The following PLD1 variants were observed in gnomAD, a reference collection of about 807,000 sequenced individuals.
The protein encoded by PLD1 is phospholipase D1, also known as choline phosphatase 1.
A neutral mutation model predicts 137.1 loss-of-function variants in PLD1; 112 were observed. The ratio of observed to expected loss-of-function variants is 0.82; its 90% confidence interval spans 0.70 to 0.96. The LOEUF is 0.96. Among genes scored for constraint, PLD1 ranks in the 40% least tolerant of loss-of-function variants. PLD1 has a pLI of 0.00. For synonymous variants in PLD1, 431 were observed against 454.7 expected (o/e 0.95, Z 0.66); for missense variants, 1,321 against 1,342.0 (o/e 0.98, Z 0.24).
intron 21 of PLD1, among the ~76,000 whole-genome samples, chr3:171,651,943 C>T (rs1736803518): frequency 6.6e-6 from 1 of 152,074 alleles, no homozygotes; most frequent in Non-Finnish European, 1.5e-5. Context: ...CTGAGGTTAC[C>T]ATTTTATACA....
rs1560134925 is a variant in PLD1, at chr3:171,603,104, T to C, written c.3199A>G (p.Ile1067Val). ...TAAGTCCAAACCTCCATGGGCACTA[T>C]GGCCTCTTTGGTCCCAACAGAAGGC... ...LLPSVGTKEA[I>V]VPMEVWT The change falls in exon 27 of 27, where the codon ATA becomes GTA. Residue 1067 changes from isoleucine (I) to valine (V), a missense_variant. Transcript: ENST00000351298. 1 of 1,613,924 alleles carries C rather than the reference T, an allele frequency of 6.2e-7. No individual in the cohort carries two copies. The highest frequency in any genetic ancestry group is 8.5e-7 in the Non-Finnish European group (1 of 1,179,910).
chr3:171,703,957 G>A (rs766685115), intron 11 of PLD1, among the ~76,000 whole-genome samples: 21 of 152,154 alleles, frequency 1.4e-4, no homozygotes, highest in Non-Finnish European at 2.9e-4. Context: ...CTCTGGACAT[G>A]GGTGCCATCA....
intron 9 of PLD1, among the ~76,000 whole-genome samples, chr3:171,712,888 TATC>T (rs1717382590): frequency 6.6e-6 from 1 of 152,172 alleles, no homozygotes; most frequent in South Asian, 2.1e-4. Context: ...TCTCATAGAA[TATC>T]ATCAGGAAGG....
intron 12 of PLD1, among the ~76,000 whole-genome samples, chr3:171,696,701 A>T (rs936046223): frequency 6.6e-6 from 1 of 152,214 alleles, no homozygotes; most frequent in Admixed American, 6.5e-5. Context: ...TAAAATGTCA[A>T]TTTGGAGTGA....
intron 1 of PLD1, chr3:171,793,234 C>T (rs951610766): frequency 6.6e-6 from 1 of 152,140 alleles, no homozygotes; most frequent in Non-Finnish European, 1.5e-5. Flanking sequence ...CTCATATAGG[C>T]TCCTGAGAGC....
intron 20 of PLD1, among the ~76,000 whole-genome samples, chr3:171,660,625 G>A (rs1180796563): frequency 1.3e-5 from 2 of 151,530 alleles, no homozygotes; most frequent in Non-Finnish European, 2.9e-5. Context: ...ATTTTTTTGA[G>A]ATGGAGTCTC....
In PLD1 at chr3:171,737,941, T is replaced by G. The variant is rs767844118; in HGVS notation, c.111A>C (p.Gly37=). ...GAGACACGTCGTAGTCTACCTCCTC[T>G]CCCTCAAAGTGGAGTTCCCGCGTGT... is the stretch of plus-strand genomic sequence containing the variant. ...NLDTRELHFE[G]EEVDYDVSPS... Residue 37 remains glycine (G), a synonymous_variant, in exon 2 of 27, where the codon GGA becomes GGC. Coordinates refer to ENST00000351298, the MANE Select transcript of PLD1 (RefSeq NM_002662.5). 1 of 1,614,060 alleles carries G rather than the reference T, an allele frequency of 6.2e-7. No individual in the cohort carries two copies. Among genetic ancestry groups the G allele is most frequent in the Non-Finnish European group, 8.5e-7 (1 of 1,179,960 alleles).
chr3:171,623,869 C>A (rs1318483490), intron 23 of PLD1, among the ~76,000 whole-genome samples: 1 of 151,152 alleles, frequency 6.6e-6, no homozygotes, highest in East Asian at 1.9e-4. Context: ...TTTTTTTTAA[C>A]AAGAATAAAC....
At chr3:171,685,665 A>T (rs1279371865) in intron 16 of PLD1, among the ~76,000 whole-genome samples, 2 of 152,236 alleles carry the variant, frequency 1.3e-5, no homozygotes, top group Non-Finnish European at 2.9e-5. Flanking sequence ...TTATCCCCAT[A>T]TCTGACCAGC....
chr3:171,769,818 A>G (rs924189686), intron 1 of PLD1, among the ~76,000 whole-genome samples: 1 of 152,062 alleles, frequency 6.6e-6, no homozygotes, highest in African/African-American at 2.4e-5. Context: ...GAAAGAACAG[A>G]CCCTTTCTAA....
chr3:171,690,152 C>T (rs936223532), intron 13 of PLD1, among the ~76,000 whole-genome samples: 13 of 152,070 alleles, frequency 8.5e-5, no homozygotes, highest in African/African-American at 2.7e-4. Context: ...TCTAGGTTAT[C>T]GAATTGCTTA....
intron 16 of PLD1, among the ~76,000 whole-genome samples, chr3:171,681,240 C>T (rs1404947728): frequency 6.6e-6 from 1 of 152,208 alleles, no homozygotes; most frequent in African/African-American, 2.4e-5. Context: ...TGGTGTTGCA[C>T]AAACATAAAT....
intron 1 of PLD1, among the ~76,000 whole-genome samples, chr3:171,763,402 A>C (rs1046784169): frequency 6.0e-4 from 88 of 147,646 alleles, no homozygotes; most frequent in Non-Finnish European, 6.4e-4. Context: ...CAGCCTGGGC[A>C]AAAGAGCAAG....
chr3:171,634,219 A>C (rs9869963), intron 23 of PLD1, among the ~76,000 whole-genome samples: 12,055 of 152,202 alleles, frequency 0.079, 1,359 homozygotes, highest in African/African-American at 0.25. Context: ...ATTGAAATTA[A>C]TTCTTGTGTT....
At chr3:171,646,943 C>T (rs1736276326) in intron 21 of PLD1, among the ~76,000 whole-genome samples, 1 of 152,204 alleles carries the variant, frequency 6.6e-6, no homozygotes, top group African/African-American at 2.4e-5. Context: ...CAGTGAATCC[C>T]ACTTCTTCTA....
At chr3:171,674,658 T>C (rs1226808167) in intron 18 of PLD1, 45 bp from the exon 19 acceptor site, 1 of 1,088,422 alleles carries the variant, frequency 9.2e-7, no homozygotes, top group Admixed American at 1.8e-5. Flanking sequence ...AGAAAAAAGA[T>C]TCATTCTCCC....
intron 12 of PLD1, among the ~76,000 whole-genome samples, chr3:171,696,278 G>A (rs370129772): frequency 1.3e-5 from 2 of 152,220 alleles, no homozygotes; most frequent in East Asian, 1.9e-4. Context: ...GTGCAGAACT[G>A]TGGAAAGCCC....
chr3:171,800,638 T>C (rs546162304), intron 1 of PLD1, among the ~76,000 whole-genome samples: 3 of 152,340 alleles, frequency 2.0e-5, no homozygotes, highest in South Asian at 4.1e-4. Flanking sequence ...TCTACTCCAA[T>C]GCCAGCCACC....
intron 12 of PLD1, among the ~76,000 whole-genome samples, chr3:171,694,153 T>C (rs1450865459): frequency 6.6e-6 from 1 of 152,128 alleles, no homozygotes; most frequent in Non-Finnish European, 1.5e-5. Context: ...GTGTATGTAT[T>C]TCTGGAGGTG....
Sources: gnomAD v4.1 joint callset for allele counts (sites outside exome capture counted in the v4.1 genomes callset) on GRCh38, gnomAD v4.1.1 for gene constraint, MANE v1.5 for transcripts, NCBI Gene and HGNC (gene_info 2026-07-23, HGNC 2026-07-21) for gene names.